Variants in ZNF316 observed in about 807,000 individuals in gnomAD.
ZNF316 encodes the protein zinc finger protein 316.
A neutral mutation model predicts 75.6 loss-of-function variants in ZNF316; 23 were observed. That is an observed-to-expected ratio of 0.30 (90% CI 0.22 to 0.43). The LOEUF (loss-of-function observed/expected upper bound fraction) is 0.43. ZNF316 is among the 20% of genes least tolerant of loss of function. The pLI is 1.00. For synonymous variants in ZNF316, 827 were observed against 666.2 expected (o/e 1.24, Z -3.72); for missense variants, 1,266 against 1,409.4 (o/e 0.90, Z 1.63).
chr7:6,640,655 TCTCACG>T lies in ZNF316; in HGVS notation c.-166-1167_-166-1162del, dbSNP rs1779296894. On this transcript the variant is annotated intron_variant, in intron 3 of 8. Coordinates refer to ENST00000382252, the MANE Select transcript of ZNF316 (RefSeq NM_001278559.2). The surrounding 1 kb of genome is among the most constrained non-coding windows in gnomAD (Gnocchi z 5.1). ...CCAGGCTCCATCAGTCCCCTTCCAGTCTCACGCTGAAGCATGATTTCCAGTGCTGGA... is the reference window on the plus strand; with the variant it reads ...CCAGGCTCCATCAGTCCCCTTCCAGTCTGAAGCATGATTTCCAGTGCTGGA... 6.6e-6 allele frequency among the ~76,000 whole-genome samples: 1 copy of T among 152,144 alleles called. No homozygotes were observed. The highest frequency in any genetic ancestry group is 1.5e-5 in the Non-Finnish European group (1 of 68,012).
chr7:6,641,619 G>A (rs1779313442), intron 3 of ZNF316, among the ~76,000 whole-genome samples: 1 of 152,252 alleles, frequency 6.6e-6, no homozygotes, highest in African/African-American at 2.4e-5. Context: ...TGAGAGAGTA[G>A]GACGCTGTAG....
intron 8 of ZNF316, among the ~76,000 whole-genome samples, chr7:6,650,786 G>T (rs1335237303): frequency 6.6e-6 from 1 of 152,186 alleles, no homozygotes; most frequent in Non-Finnish European, 1.5e-5. Flanking sequence ...CAGACACCAG[G>T]AGGGTCCATG....
Position 6,657,463 on chromosome 7 carries a change from C to T in ZNF316, c.*2852C>T, listed in dbSNP as rs1312330899. Among the ~76,000 whole-genome samples the T allele has an allele frequency of 2.6e-5, 4 of 152,012 alleles. No individual in the cohort carries two copies. Among genetic ancestry groups the T allele is most frequent in the Admixed American group, 1.3e-4 (2 of 15,242 alleles). ...ATCAAGACTCCATGTCTGAAACAGA[C>T]GTTTGAGTGGCAGACAAATACAAAG... On this transcript the variant is annotated 3_prime_UTR_variant, in exon 9 of 9. Coordinates refer to ENST00000382252, the MANE Select transcript of ZNF316 (RefSeq NM_001278559.2).
intron 8 of ZNF316, among the ~76,000 whole-genome samples, chr7:6,645,867 G>A (rs551153325): frequency 5.9e-5 from 9 of 151,536 alleles, no homozygotes; most frequent in South Asian, 4.2e-4. Context: ...GGTGGTGCGC[G>A]CCTGTAGTCC....
chr7:6,651,565 G>A (rs1202896335), intron 8 of ZNF316, among the ~76,000 whole-genome samples: 2 of 151,804 alleles, frequency 1.3e-5, no homozygotes, highest in Non-Finnish European at 2.9e-5. Flanking sequence ...TGAGGCAGAA[G>A]AATTGCTTGA....
chr7:6,648,264 C>T (rs779002004), intron 8 of ZNF316, among the ~76,000 whole-genome samples: 2 of 152,120 alleles, frequency 1.3e-5, no homozygotes, highest in Non-Finnish European at 2.9e-5. Flanking sequence ...GCAGCCTGCC[C>T]CCGGGGCACA....
Position 6,652,910 on chromosome 7 carries a change from C to T in ZNF316, c.1314C>T (p.Phe438=). 1.6e-6 allele frequency: 2 copies of T among 1,241,550 alleles called. No homozygotes were observed. Among genetic ancestry groups the T allele is most frequent in the Non-Finnish European group, 2.0e-6 (2 of 992,098 alleles). 76.9% of individuals were successfully genotyped at this position (1,241,550 alleles called of 1,614,324 possible). A position where few individuals can be genotyped will look rare whatever the true frequency, so the allele number is the denominator to read the frequency against. ...PYRCAFCGAG[F]GRRSYLVTHQ... ...GCTGCGCCTTCTGCGGCGCGGGCTT[C>T]GGGCGCCGCTCCTACCTGGTCACGC... Residue 438 remains phenylalanine, a synonymous_variant, in exon 9 of 9, where the codon TTC becomes TTT. Coordinates refer to ENST00000382252, the MANE Select transcript of ZNF316 (RefSeq NM_001278559.2).
Position 6,637,809 on chromosome 7 carries a change from A to C in ZNF316, c.-430-37A>C, listed in dbSNP as rs186153352. 6.6e-6 allele frequency: 1 copy of C among 151,882 alleles called. No homozygotes were observed. Among genetic ancestry groups the C allele is most frequent in the Non-Finnish European group, 1.5e-5 (1 of 67,938 alleles). 9.4% of individuals were successfully genotyped at this position (151,882 alleles called of 1,614,324 possible). ...CAGGGGCTGGGCCGCGGCCGCCCCC[A>C]GGACACACCCATCCAGGAGGGGCTG... On this transcript the variant is annotated intron_variant, in intron 1 of 8. Coordinates refer to ENST00000382252, the MANE Select transcript of ZNF316 (RefSeq NM_001278559.2). The surrounding 1 kb of genome is among the most constrained non-coding windows in gnomAD (Gnocchi z 6.2).
In ZNF316 at chr7:6,655,239, C is replaced by T. The variant is rs1779599679; in HGVS notation, c.*628C>T. On this transcript the variant is annotated 3_prime_UTR_variant, in exon 9 of 9. Coordinates refer to ENST00000382252, the MANE Select transcript of ZNF316 (RefSeq NM_001278559.2). ...ATATTTATTTCCACTTCTTGTATGG[C>T]CTGAAGAATCTAGGAGGAGAAAAAG... is the stretch of plus-strand genomic sequence containing the variant. The T allele has an allele frequency of 6.6e-6, 1 of 152,250 alleles. No homozygotes were observed. The highest frequency in any genetic ancestry group is 6.5e-5 in the Admixed American group (1 of 15,290). 9.4% of individuals were successfully genotyped at this position (152,250 alleles called of 1,614,324 possible).
At position 6,643,944 on chromosome 7, in the gene ZNF316, C is replaced by T. The variant is rs1045749084; in HGVS notation, c.588C>T (p.Ser196=). ...AGGAGAACTATGGGATTCTCGTGTC[C>T]TTGGGTAAGGACGGGACCTTTTGTC... ...VMQENYGILV[S]LGYPIPKPDL... is the part of the protein sequence containing the mutation. Residue 196 remains serine (S), a synonymous_variant, in exon 7 of 9, where the codon TCC becomes TCT. Transcript: ENST00000382252. 2.3e-5 allele frequency: 28 copies of T among 1,232,644 alleles called. No individual in the cohort carries two copies. In the African/African-American group the frequency reaches 3.4e-4, roughly 15 times the overall value. The allele number at this position is 1,232,644 out of a possible 1,614,324, so 76.4% of individuals were successfully genotyped here. A position where few individuals can be genotyped will look rare whatever the true frequency, so the allele number is the denominator to read the frequency against.
At chr7:6,646,853 CT>C (rs1779414011) in intron 8 of ZNF316, among the ~76,000 whole-genome samples, 1 of 152,152 alleles carries the variant, frequency 6.6e-6, no homozygotes, top group Non-Finnish European at 1.5e-5. Flanking sequence ...GTATGTCCCT[CT>C]CTTGGGCTCC....
Position 6,653,437 on chromosome 7 carries a change from C to G in ZNF316, c.1841C>G (p.Pro614Arg), listed in dbSNP as rs932182611. The change falls in exon 9 of 9, where the codon CCG (proline) becomes CGG (arginine). Residue 614 changes from proline to arginine, a missense_variant. Physicochemically the swap from Pro to Arg is moderately radical, Grantham distance 103. Transcript: ENST00000382252. ...PKSWLHPDSF[P>R]ILGLPDFRER... The stretch of plus-strand genomic sequence containing the variant: ...TCCTGGCTGCACCCGGACAGCTTCC[C>G]GATCCTGGGCCTACCCGACTTCCGA... The G allele has an allele frequency of 2.2e-5, 27 of 1,227,946 alleles. No individual in the cohort carries two copies. The highest frequency in any genetic ancestry group is 2.6e-5 in the Non-Finnish European group (26 of 985,888). The allele number at this position is 1,227,946 out of a possible 1,614,324, so 76.1% of individuals were successfully genotyped here. A position where few individuals can be genotyped will look rare whatever the true frequency, so the allele number is the denominator to read the frequency against.
In ZNF316 at chr7:6,653,425, C is replaced by T. The variant is rs1779552727; in HGVS notation, c.1829C>T (p.Pro610Leu). The T allele has an allele frequency of 4.9e-6, 6 of 1,228,046 alleles. No individual in the cohort carries two copies. Among genetic ancestry groups the T allele is most frequent in the East Asian group, 3.2e-5 (1 of 31,538 alleles). 76.1% of individuals were successfully genotyped at this position (1,228,046 alleles called of 1,614,324 possible). Residue 610 changes from proline to leucine, a missense_variant, in exon 9 of 9, where the codon CCG becomes CTG. Around this residue, in one of 3 missense-constraint regions of ZNF316, gnomAD observed 961 missense variants for 990.9 expected, o/e 0.97. Transcript: ENST00000382252. ...FPVHPKSWLHPDSFPILGLPD... is the reference protein window; with the variant it reads ...FPVHPKSWLHLDSFPILGLPD... ...GTGCACCCCAAGTCCTGGCTGCACCCGGACAGCTTCCCGATCCTGGGCCTA... is the reference window on the plus strand; with the variant it reads ...GTGCACCCCAAGTCCTGGCTGCACCTGGACAGCTTCCCGATCCTGGGCCTA...
chr7:6,638,735 GA>G (rs1779262748), intron 2 of ZNF316, among the ~76,000 whole-genome samples: 1 of 152,200 alleles, frequency 6.6e-6, no homozygotes, highest in Non-Finnish European at 1.5e-5. Context: ...GGGAGTTTGA[GA>G]AATGAGGGTT....
Position 6,657,813 on chromosome 7 carries a change from A to G in ZNF316, c.*3202A>G, listed in dbSNP as rs1210250794. On this transcript the variant is annotated 3_prime_UTR_variant, in exon 9 of 9. Transcript: ENST00000382252. The stretch of plus-strand genomic sequence containing the variant: ...CATTGCACTCCAGCCTGGGTGACAG[A>G]ACAAGACCCTATCTCACCAAAAAAA... Among the ~76,000 whole-genome samples the G allele has an allele frequency of 1.4e-5, 2 of 147,492 alleles. No homozygotes were observed. The highest frequency in any genetic ancestry group is 1.4e-4 in the Admixed American group (2 of 14,714).
In ZNF316 at chr7:6,656,773, C is replaced by A. The variant is rs1779634107; in HGVS notation, c.*2162C>A. Reference sequence around the variant, plus strand: ...CTTCGTGGTGGTCCAAACACATCCCCAGCCCTTTCTTCAGAGGCCCCAGCA... The same window carrying A: ...CTTCGTGGTGGTCCAAACACATCCCAAGCCCTTTCTTCAGAGGCCCCAGCA... On this transcript the variant is annotated 3_prime_UTR_variant, in exon 9 of 9. Coordinates refer to ENST00000382252, the MANE Select transcript of ZNF316 (RefSeq NM_001278559.2). Among the ~76,000 whole-genome samples, 1 of 152,134 alleles carries A rather than the reference C, an allele frequency of 6.6e-6. No homozygotes were observed. The highest frequency in any genetic ancestry group is 1.5e-5 in the Non-Finnish European group (1 of 68,024).
In ZNF316 at chr7:6,654,335, G is replaced by A; in HGVS notation, c.2739G>A (p.Arg913=). ...VTHQRTHTGE[R]PYACANCGRR... ...ACCAGCGCACACATACGGGCGAGCG[G>A]CCCTACGCCTGCGCCAACTGCGGCC... The change falls in exon 9 of 9, where the codon CGG becomes CGA. Residue 913 remains arginine, a synonymous_variant. Transcript: ENST00000382252. The A allele has an allele frequency of 1.6e-6, 2 of 1,222,548 alleles. No homozygotes were observed. The highest frequency in any genetic ancestry group is 2.0e-6 in the Non-Finnish European group (2 of 981,702). The allele number at this position is 1,222,548 out of a possible 1,614,324, so 75.7% of individuals were successfully genotyped here. A position where few individuals can be genotyped will look rare whatever the true frequency, so the allele number is the denominator to read the frequency against.
In ZNF316 at chr7:6,652,784, C is replaced by T. The variant is rs1290980347; in HGVS notation, c.1188C>T (p.Thr396=). The part of the protein sequence containing the change: ...SHLAIHQRTH[T]GEKPFPCPDC... Reference sequence around the variant, plus strand: ...TGGCCATCCACCAGCGCACGCACACCGGCGAGAAGCCCTTCCCGTGCCCGG... The same window carrying T: ...TGGCCATCCACCAGCGCACGCACACTGGCGAGAAGCCCTTCCCGTGCCCGG... Residue 396 remains threonine (T), a synonymous_variant, in exon 9 of 9, where the codon ACC becomes ACT. Transcript: ENST00000382252. 4 of 1,272,986 alleles carry T rather than the reference C, an allele frequency of 3.1e-6. No individual in the cohort carries two copies. Among genetic ancestry groups the T allele is most frequent in the Non-Finnish European group, 3.0e-6 (3 of 1,009,000 alleles). 78.9% of individuals were successfully genotyped at this position (1,272,986 alleles called of 1,614,324 possible). A position where few individuals can be genotyped will look rare whatever the true frequency, so the allele number is the denominator to read the frequency against.
chr7:6,648,681 C>T (rs10046580), intron 8 of ZNF316, among the ~76,000 whole-genome samples: 2,925 of 152,294 alleles, frequency 0.019, 74 homozygotes, highest in African/African-American at 0.067. Flanking sequence ...GGAATTCACA[C>T]CCAGACAGAG....
Sources: gnomAD v4.1 joint callset for allele counts (sites outside exome capture counted in the v4.1 genomes callset) on GRCh38, gnomAD v4.1.1 for gene constraint, gnomAD v4.1.1 regional missense constraint, Gnocchi (gnomAD v3.1) non-coding constraint, MANE v1.5 for transcripts, NCBI Gene and HGNC (gene_info 2026-07-23, HGNC 2026-07-21) for gene names.